ANO9: variants seen among roughly 807,000 people sequenced by gnomAD.
ANO9 encodes anoctamin 9.
In ANO9, 80 loss-of-function variants were observed where a neutral mutation model predicts 100.5. The observed-to-expected ratio is 0.80, with a 90% CI of 0.66 to 0.96. The LOEUF is 0.96. ANO9 is among the 40% of genes least tolerant of loss of function. The pLI is 0.00. For missense variants in ANO9, 1,064 were observed against 1,072.7 expected (o/e 0.99, Z 0.11); for synonymous variants, 473 against 435.6 (o/e 1.09, Z -1.07).
rs569363672 is a variant in ANO9, at chr11:418,575, G to T, written c.2145C>A (p.Cys715Ter). 2.5e-6 allele frequency: 4 copies of T among 1,612,980 alleles called. No homozygotes were observed. In the African/African-American group the frequency reaches 4.0e-5, roughly 16 times the overall value. The change falls in exon 23 of 23, where the codon TGC becomes TGA. Residue 715 changes from cysteine to a stop codon, truncating the protein, a stop_gained. Transcript: ENST00000332826. LOFTEE classifies it low-confidence loss of function (END_TRUNC). ...FVILFEHVAL[C>*]IKLIAAWFVP... ...CGAACCAGGCGGCGATGAGCTTGAT[G>T]CACAAGGCCACGTGCTAGCGGCAGC...
At chr11:438,738 C>T (rs1292195549) in intron 1 of ANO9, among the ~76,000 whole-genome samples, 1 of 152,100 alleles carries the variant, frequency 6.6e-6, no homozygotes, top group Non-Finnish European at 1.5e-5. Context: ...ACACCACCCT[C>T]GGGGTCTTCA....
intron 3 of ANO9, 82 bp downstream of exon 3, chr11:433,733 C>T (rs969993060): frequency 1.8e-4 from 268 of 1,487,018 alleles, no homozygotes; most frequent in Non-Finnish European, 2.3e-4. Context: ...CGCTGGGCAC[C>T]CGCCCCAGCC....
chr11:429,533 C>T (rs758549473), intron 11 of ANO9, 37 bp downstream of exon 11: 97 of 1,609,070 alleles, frequency 6.0e-5, no homozygotes, highest in Non-Finnish European at 7.3e-5. Flanking sequence ...AGCCCCTGCT[C>T]GGGTCGGCCT....
At chr11:437,355 A>G (rs2133717521) in intron 1 of ANO9, among the ~76,000 whole-genome samples, 1 of 152,292 alleles carries the variant, frequency 6.6e-6, no homozygotes, top group South Asian at 2.1e-4. Flanking sequence ...AGATGGGCTC[A>G]GGTAGACACC....
intron 20 of ANO9, 137 bp downstream of exon 20, chr11:419,445 C>T: frequency 6.9e-7 from 1 of 1,443,876 alleles, no homozygotes; most frequent in South Asian, 1.5e-5. Flanking sequence ...GGGCCACCCC[C>T]AGGCCCCAGC....
rs12280696 is a variant in ANO9, at chr11:424,598, A to G, written c.1335-3400T>C. On this transcript the variant is annotated intron_variant, in intron 15 of 22. Transcript: ENST00000332826. ...CTCATCCATCAAGAAAAATCAATTC[A>G]GTTCCTTGGTCTTTAATACGAATGA... Among the ~76,000 whole-genome samples the G allele has an allele frequency of 7.0e-3, 1,060 of 152,350 alleles. 17 individuals carry two copies. The highest frequency in any genetic ancestry group is 0.024 in the African/African-American group (985 of 41,582).
At chr11:427,505 G>A (rs1297036443) in intron 15 of ANO9, among the ~76,000 whole-genome samples, 1 of 152,034 alleles carries the variant, frequency 6.6e-6, no homozygotes, top group Admixed American at 6.6e-5. Context: ...ACTGAGGCAG[G>A]AGGATCGCTC....
rs1478929750 is a variant in ANO9 at position 420,839 on chromosome 11, G to C, written c.1512C>G (p.Arg504=). 8 of 1,591,760 alleles carry C rather than the reference G, an allele frequency of 5.0e-6. No individual in the cohort carries two copies. The South Asian group carries it at 6.7e-5, about 13-fold the overall frequency. ...GCCCGGACTCGGAGGCCCGCAGAGAGCGGCACTTGTGGGTCACCCACCTGC... is the reference window on the plus strand; with the variant it reads ...GCCCGGACTCGGAGGCCCGCAGAGACCGGCACTTGTGGGTCACCCACCTGC... The part of the protein sequence containing the change: ...YLVPWVTHKC[R]SLRASESGHL... Residue 504 remains arginine, a synonymous_variant, in exon 18 of 23, where the codon CGC becomes CGG. Coordinates refer to ENST00000332826, the MANE Select transcript of ANO9 (RefSeq NM_001012302.3).
rs1044642695 is a variant in ANO9 at position 422,144 on chromosome 11, A to G, written c.1335-946T>C. ...GCATGAGAAAGTATCGGTCACCCGC[A>G]GACACCAGCACAAGTTATACCATAA... On this transcript the variant is annotated intron_variant, in intron 15 of 22. Transcript: ENST00000332826. This position sits in a 1 kb window ranked among gnomAD's most constrained non-coding sequence, Gnocchi z 4.3. 3.3e-5 allele frequency among the ~76,000 whole-genome samples: 5 copies of G among 152,226 alleles called. No homozygotes were observed. Among genetic ancestry groups the G allele is most frequent in the African/African-American group, 1.2e-4 (5 of 41,454 alleles).
intron 9 of ANO9, 49 bp downstream of exon 9, chr11:430,034 A>ACCGTTCCCAT: frequency 1.3e-6 from 2 of 1,529,342 alleles, no homozygotes; most frequent in Non-Finnish European, 1.8e-6. Context: ...GGGTGGATGC[A>ACCGTTCCCAT]CCGTTCCCAT....
chr11:431,987 C>T lies in ANO9; in HGVS notation c.406+12G>A, dbSNP rs1488409265. The T allele has an allele frequency of 6.2e-7, 1 of 1,613,034 alleles. No homozygotes were observed. Among genetic ancestry groups the T allele is most frequent in the African/African-American group, 1.3e-5 (1 of 74,978 alleles). On this transcript the variant is annotated intron_variant, in intron 5 of 22. Transcript: ENST00000332826. The stretch of plus-strand genomic sequence containing the variant: ...CGCAGCGCCCCTGTCAGTGCCCCAC[C>T]CCTGCCCTTACCACCAGCCGAGGTC...
intron 15 of ANO9, among the ~76,000 whole-genome samples, chr11:425,537 A>G (rs1848459827): frequency 1.3e-5 from 2 of 151,736 alleles, no homozygotes; most frequent in Admixed American, 6.6e-5. Flanking sequence ...TACCATGATT[A>G]TAAGAAACTG....
chr11:428,489 T>C lies in ANO9; in HGVS notation c.1171A>G (p.Ile391Val), dbSNP rs10794324. 1,278,399 of 1,612,302 alleles carry C rather than the reference T, an allele frequency of 0.79. 511,381 individuals carry two copies. The highest frequency in any genetic ancestry group is 1 in the East Asian group (44,783 of 44,832). ...TGALVHYVTI[I>V]IMTKINRCVA... Reference sequence around the variant, plus strand: ...CCCGGCCCCACCTTGGTCATGATGATGATGGTCACATAGTGCACCAGAGCC... The same window carrying C: ...CCCGGCCCCACCTTGGTCATGATGACGATGGTCACATAGTGCACCAGAGCC... The change falls in exon 13 of 23, where the codon ATC becomes GTC. Residue 391 changes from isoleucine to valine, a missense_variant. By Grantham distance (29) the Ile-to-Val change is conservative. Transcript: ENST00000332826.
chr11:424,313 G>A (rs993251376), intron 15 of ANO9, among the ~76,000 whole-genome samples: 3 of 152,198 alleles, frequency 2.0e-5, no homozygotes, highest in Admixed American at 6.5e-5. Flanking sequence ...GATTTTTCAC[G>A]CTGTTTTCCG....
chr11:429,225 G>A (rs1175539108), intron 11 of ANO9, among the ~76,000 whole-genome samples: 9 of 129,092 alleles, frequency 7.0e-5, no homozygotes, highest in East Asian at 2.4e-4. Flanking sequence ...CACCCCACAC[G>A]TGGGGAGACA....
At chr11:433,486 C>T (rs754063555) in intron 3 of ANO9, 27 bp from the exon 4 acceptor site, 1 of 1,612,514 alleles carries the variant, frequency 6.2e-7, no homozygotes. Context: ...TCCTCTATCC[C>T]ACCTCAGAAC....
Position 435,825 on chromosome 11 carries a change from C to T in ANO9, c.7-1727G>A, listed in dbSNP as rs146899593. 2.4e-3 allele frequency among the ~76,000 whole-genome samples: 318 copies of T among 134,636 alleles called. 1 individual carries two copies. The highest frequency in any genetic ancestry group is 8.8e-3 in the African/African-American group (310 of 35,350). The allele number at this position is 134,636 out of a possible 152,430, so 88.3% of individuals were successfully genotyped here. A position where few individuals can be genotyped will look rare whatever the true frequency, so the allele number is the denominator to read the frequency against. On this transcript the variant is annotated intron_variant, in intron 1 of 22. Coordinates refer to ENST00000332826, the MANE Select transcript of ANO9 (RefSeq NM_001012302.3). ...GATAGCATAGTATAGCATAGCATAA[C>T]ATAATACGGTATAGTCTAGTCTAGT...
Position 432,181 on chromosome 11 carries a change from C to T in ANO9, c.351-127G>A, listed in dbSNP as rs942823783. On this transcript the variant is annotated intron_variant, in intron 4 of 22. Coordinates refer to ENST00000332826, the MANE Select transcript of ANO9 (RefSeq NM_001012302.3). The surrounding 1 kb of genome is among the most constrained non-coding windows in gnomAD (Gnocchi z 4.8). ...CTGGCAGAGCCCCCAGCCTGCCAGC[C>T]CTGACCAGAGCCCAGAATCCACAAC... The T allele has an allele frequency of 3.9e-6, 4 of 1,038,046 alleles. No individual in the cohort carries two copies. The African/African-American group carries it at 6.4e-5, about 17-fold the overall frequency. 64.3% of individuals were successfully genotyped at this position (1,038,046 alleles called of 1,614,324 possible). A position where few individuals can be genotyped will look rare whatever the true frequency, so the allele number is the denominator to read the frequency against.
At position 433,682 on chromosome 11, in the gene ANO9, G is replaced by A. The variant is rs1030322179; in HGVS notation, c.204+133C>T. The A allele has an allele frequency of 4.2e-6, 6 of 1,433,476 alleles. No individual in the cohort carries two copies. The Admixed American group carries it at 1.6e-4, about 39-fold the overall frequency. 88.8% of individuals were successfully genotyped at this position (1,433,476 alleles called of 1,614,324 possible). A position where few individuals can be genotyped will look rare whatever the true frequency, so the allele number is the denominator to read the frequency against. On this transcript the variant is annotated intron_variant, in intron 3 of 22. Transcript: ENST00000332826. ...GCCCAGGAGAGAGCCTCCAAGCCTG[G>A]CCCTCCGTGCCGCCATGACCGGCCC...
Sources: allele counts gnomAD v4.1 joint callset (sites outside exome capture counted in the v4.1 genomes callset), GRCh38; gene constraint gnomAD v4.1.1; non-coding constraint Gnocchi (gnomAD v3.1); transcripts MANE v1.5; gene names NCBI Gene and HGNC (gene_info 2026-07-23, HGNC 2026-07-21).